The following CNTN5 variants were observed in gnomAD, a reference collection of about 807,000 sequenced individuals.
CNTN5 encodes contactin-5.
CNTN5 carries 77 observed loss-of-function variants against 129.1 expected under a neutral mutation model. The ratio of observed to expected loss-of-function variants is 0.60; its 90% CI spans 0.50 to 0.72. The LOEUF is 0.72. Ranked by LOEUF, CNTN5 falls within the 30% of genes least tolerant of loss-of-function variation. CNTN5 has a pLI of 0.00. For synonymous variants in CNTN5, 509 were observed against 465.6 expected, an observed-to-expected ratio of 1.09 and a Z score of -1.20; for missense variants, 1,478 against 1,328.8, an observed-to-expected ratio of 1.11 and a Z score of -1.75.
At chr11:100,185,665 C>T (rs937344036) in intron 13 of CNTN5, among the ~76,000 whole-genome samples, 1 of 152,122 alleles carries the variant, frequency 6.6e-6, no homozygotes, top group Admixed American at 6.5e-5. Context: ...TGAGGGAGGG[C>T]TTCTAAGAAG....
chr11:99,685,737 G>T lies in CNTN5; in HGVS notation c.55+129468G>T, dbSNP rs573209309. Among the ~76,000 whole-genome samples, 176 of 151,938 alleles carry T rather than the reference G, an allele frequency of 1.2e-3. 1 individual carries two copies. The highest frequency in any genetic ancestry group is 1.7e-3 in the Non-Finnish European group (117 of 67,810). ...TGTTATATTTTGATGCCTCTCTTGT[G>T]TGTTGTTTTCATTTTCAAGGCTGAC... On this transcript the variant is annotated intron_variant, in intron 3 of 24. Coordinates refer to ENST00000524871, the MANE Select transcript of CNTN5 (RefSeq NM_014361.4).
chr11:99,465,300 A>G (rs1944887938), intron 2 of CNTN5, among the ~76,000 whole-genome samples: 1 of 152,144 alleles, frequency 6.6e-6, no homozygotes, highest in Non-Finnish European at 1.5e-5. Context: ...GTCAACTTTC[A>G]TTGTCTTTTA....
intron 9 of CNTN5, among the ~76,000 whole-genome samples, chr11:100,039,930 C>G (rs1007795980): frequency 1.3e-5 from 2 of 152,114 alleles, no homozygotes; most frequent in African/African-American, 4.8e-5. Flanking sequence ...TCCTGTAGCT[C>G]GGAGTAGTTT....
At chr11:99,656,850 A>G (rs1375950455) in intron 3 of CNTN5, among the ~76,000 whole-genome samples, 2 of 152,058 alleles carry the variant, frequency 1.3e-5, no homozygotes, top group African/African-American at 4.8e-5. Flanking sequence ...AGGGCCTCCA[A>G]AATACCCACC....
chr11:99,559,943 T>A (rs1591279605), intron 3 of CNTN5, among the ~76,000 whole-genome samples: 3 of 152,200 alleles, frequency 2.0e-5, no homozygotes, highest in African/African-American at 7.2e-5. Context: ...GAAAAAAAGA[T>A]GATAGTTTGA....
intron 3 of CNTN5, among the ~76,000 whole-genome samples, chr11:99,600,857 C>T (rs1417918260): frequency 6.6e-6 from 1 of 152,138 alleles, no homozygotes; most frequent in African/African-American, 2.4e-5. Flanking sequence ...TCAAGAAGCT[C>T]AAAGGTATTT....
chr11:99,470,399 T>C (rs1284847551), intron 2 of CNTN5, among the ~76,000 whole-genome samples: 5 of 152,188 alleles, frequency 3.3e-5, no homozygotes, highest in African/African-American at 7.2e-5. Flanking sequence ...CTTTCCAAAG[T>C]GATTATTTTG....
intron 15 of CNTN5, among the ~76,000 whole-genome samples, chr11:100,221,722 C>T (rs1327073626): frequency 6.6e-6 from 1 of 151,792 alleles, no homozygotes; most frequent in Non-Finnish European, 1.5e-5. Context: ...AAGGTTTCGG[C>T]GTGTTGTGTT....
At chr11:99,846,989 A>T (rs916148343) in intron 6 of CNTN5, among the ~76,000 whole-genome samples, 23 of 152,226 alleles carry the variant, frequency 1.5e-4, no homozygotes, top group African/African-American at 5.5e-4. Flanking sequence ...CAATTAATCA[A>T]GTAGCCTAAT....
At chr11:99,903,269 G>T (rs1949406605) in intron 6 of CNTN5, among the ~76,000 whole-genome samples, 1 of 151,586 alleles carries the variant, frequency 6.6e-6, no homozygotes. Flanking sequence ...TCCTGTAAAG[G>T]GCTGTTTAGA....
chr11:100,086,390 A>T (rs1944556091), intron 13 of CNTN5, among the ~76,000 whole-genome samples: 1 of 151,052 alleles, frequency 6.6e-6, no homozygotes, highest in Non-Finnish European at 1.5e-5. Context: ...AATAAAAAAA[A>T]AGAAAAATTT....
Position 99,819,641 on chromosome 11 carries a change from A to G in CNTN5, c.153A>G (p.Arg51=), listed in dbSNP as rs762182166. The G allele has an allele frequency of 6.2e-7, 1 of 1,612,942 alleles. No homozygotes were observed. Among genetic ancestry groups the G allele is most frequent in the African/African-American group, 1.3e-5 (1 of 74,966 alleles). Residue 51 remains arginine, a synonymous_variant, in exon 4 of 25, where the codon AGA becomes AGG. Coordinates refer to ENST00000524871, the MANE Select transcript of CNTN5 (RefSeq NM_014361.4). ...CATCTCTCTTTGGTTCCAAAACCAG[A>G]CCACGATACAGCAGCCCTTCATTAG... is the stretch of plus-strand genomic sequence containing the variant. ...SSSSLFGSKT[R]PRYSSPSLGT...
At chr11:100,101,022 G>T (rs747531411) in intron 13 of CNTN5, among the ~76,000 whole-genome samples, 3 of 152,006 alleles carry the variant, frequency 2.0e-5, no homozygotes, top group Non-Finnish European at 4.4e-5. Context: ...ATGAGAGATG[G>T]GTCTTGGTTT....
At chr11:99,156,891 T>C (rs1057367353) in intron 1 of CNTN5, among the ~76,000 whole-genome samples, 1 of 152,044 alleles carries the variant, frequency 6.6e-6, no homozygotes, top group African/African-American at 2.4e-5. Flanking sequence ...TGTGTTTCAA[T>C]AACAGCATTT....
At chr11:99,510,207 T>C (rs1365362640) in intron 2 of CNTN5, among the ~76,000 whole-genome samples, 1 of 152,038 alleles carries the variant, frequency 6.6e-6, no homozygotes, top group Non-Finnish European at 1.5e-5. Flanking sequence ...GCAACAAGTA[T>C]ATAAATCAGA....
chr11:99,109,835 T>C (rs1857704014), intron 1 of CNTN5, among the ~76,000 whole-genome samples: 2 of 152,130 alleles, frequency 1.3e-5, no homozygotes, highest in East Asian at 3.9e-4. Context: ...AATGTGAACA[T>C]ATAGATTAAT....
At chr11:99,911,292 T>G (rs1949652584) in intron 6 of CNTN5, among the ~76,000 whole-genome samples, 1 of 151,992 alleles carries the variant, frequency 6.6e-6, no homozygotes, top group South Asian at 2.1e-4. Flanking sequence ...CTAAAACTCA[T>G]TAGGGCCACC....
chr11:100,183,295 C>A (rs1159540871), intron 13 of CNTN5, among the ~76,000 whole-genome samples: 1 of 152,072 alleles, frequency 6.6e-6, no homozygotes, highest in East Asian at 1.9e-4. Context: ...GACTTGTGCA[C>A]AAATGTTCAT....
chr11:99,561,488 ATC>A (rs1243452266), intron 3 of CNTN5, among the ~76,000 whole-genome samples: 1 of 152,182 alleles, frequency 6.6e-6, no homozygotes, highest in Non-Finnish European at 1.5e-5. Context: ...TGAAATAAAT[ATC>A]TCTTTTCTTA....
Sources: gnomAD v4.1 joint callset for allele counts (sites outside exome capture counted in the v4.1 genomes callset) on GRCh38, gnomAD v4.1.1 for gene constraint, MANE v1.5 for transcripts, NCBI Gene and HGNC (gene_info 2026-07-23, HGNC 2026-07-21) for gene names.